The following PAM variants were observed in gnomAD, a reference collection of about 807,000 sequenced individuals.
PAM encodes peptidylglycine alpha-amidating monooxygenase.
A neutral mutation model predicts 122.1 loss-of-function variants in PAM; 72 were observed. The ratio of observed to expected loss-of-function variants is 0.59; its 90% CI spans 0.49 to 0.72. The LOEUF is 0.72. Among genes scored for constraint, PAM ranks in the 30% least tolerant of loss-of-function variants. The pLI is 0.00. For missense variants in PAM, 1,106 were observed against 1,183.7 expected (o/e 0.93, Z 0.96); for synonymous variants, 389 against 404.4 (o/e 0.96, Z 0.46).
At chr5:102,933,560 C>T (rs1363957742) in intron 7 of PAM, among the ~76,000 whole-genome samples, 7 of 152,180 alleles carry the variant, frequency 4.6e-5, no homozygotes, top group Non-Finnish European at 4.4e-5. Context: ...CACAAATACA[C>T]ATGTATCCAT....
chr5:102,828,108 G>A (rs994431934), intron 1 of PAM, among the ~76,000 whole-genome samples: 15 of 152,122 alleles, frequency 9.9e-5, no homozygotes, highest in Admixed American at 9.8e-4. Flanking sequence ...GGAGGCCGAG[G>A]CCAGCAGATT....
intron 3 of PAM, among the ~76,000 whole-genome samples, chr5:102,877,290 C>G (rs1789532362): frequency 6.6e-6 from 1 of 152,120 alleles, no homozygotes; most frequent in South Asian, 2.1e-4. Context: ...GAAATGTTAG[C>G]AAGTAGCTAA....
At chr5:102,775,596 T>G (rs258141) in intron 1 of PAM, among the ~76,000 whole-genome samples, 73,157 of 151,968 alleles carry the variant, frequency 0.48, 18,140 homozygotes, top group African/African-American at 0.59. Context: ...GTGGTGTTTG[T>G]TTTTCTGTTC....
chr5:102,755,623 C>A (rs1198185444), intron 1 of PAM, among the ~76,000 whole-genome samples: 1 of 152,098 alleles, frequency 6.6e-6, no homozygotes. Context: ...AAGTCCCTGG[C>A]CAGTTTGTGA....
At chr5:102,812,923 T>C (rs1231807876) in intron 1 of PAM, among the ~76,000 whole-genome samples, 2 of 152,236 alleles carry the variant, frequency 1.3e-5, no homozygotes, top group East Asian at 1.9e-4. Context: ...CAATAGTATA[T>C]ACTAATGCAA....
At chr5:102,914,403 C>A (rs1440585873) in intron 5 of PAM, among the ~76,000 whole-genome samples, 1 of 151,968 alleles carries the variant, frequency 6.6e-6, no homozygotes, top group Non-Finnish European at 1.5e-5. Context: ...CACAATATAC[C>A]ATGTAACATG....
At chr5:102,907,780 G>A (rs1340382707) in intron 4 of PAM, among the ~76,000 whole-genome samples, 2 of 152,090 alleles carry the variant, frequency 1.3e-5, no homozygotes, top group Non-Finnish European at 1.5e-5. Flanking sequence ...CTTTTGAGAA[G>A]TGTCTGTTCA....
intron 1 of PAM, among the ~76,000 whole-genome samples, chr5:102,788,512 T>C (rs1168326982): frequency 6.6e-6 from 1 of 152,166 alleles, no homozygotes; most frequent in African/African-American, 2.4e-5. Flanking sequence ...ATGGTTGCTT[T>C]GTATCTCTAG....
intron 1 of PAM, among the ~76,000 whole-genome samples, chr5:102,776,136 CCTT>C (rs1389031121): frequency 6.6e-6 from 1 of 151,978 alleles, no homozygotes; most frequent in East Asian, 1.9e-4. Context: ...ACATAAATCT[CCTT>C]TTCAGAAGTG....
At chr5:102,973,658 A>G (rs1242328123) in intron 14 of PAM, among the ~76,000 whole-genome samples, 2 of 152,176 alleles carry the variant, frequency 1.3e-5, no homozygotes, top group South Asian at 2.1e-4. Flanking sequence ...CAGGAAATGT[A>G]TATTTCCTGC....
chr5:102,755,499 G>A (rs1168122642), intron 1 of PAM, 151 bp downstream of exon 1: 1 of 145,368 alleles, frequency 6.9e-6, no homozygotes, highest in African/African-American at 2.5e-5. Flanking sequence ...GGCTGCCCGG[G>A]TCGGGGGTGG....
chr5:102,990,319 C>G lies in PAM; in HGVS notation c.1531C>G (p.Pro511Ala). The G allele has an allele frequency of 6.2e-7, 1 of 1,607,786 alleles. No homozygotes were observed. The highest frequency in any genetic ancestry group is 8.5e-7 in the Non-Finnish European group (1 of 1,175,676). ...ALDWPGVYLL[P>A]GQVSGVALDP... is the part of the protein sequence containing the mutation. ...GGATTGGCCTGGAGTATACTTGTTA[C>G]CAGGCCAGGTTTCTGGGGTGGCTCT... Residue 511 changes from proline (P) to alanine (A), a missense_variant, in exon 16 of 26, where the codon CCA becomes GCA. Coordinates refer to ENST00000438793, the MANE Select transcript of PAM (RefSeq NM_001177306.2).
chr5:102,866,855 C>A (rs945160987), intron 2 of PAM: 4 of 154,112 alleles, frequency 2.6e-5, no homozygotes, highest in African/African-American at 7.2e-5. Flanking sequence ...GAAATTTTTA[C>A]TGGGTCATGG....
intron 7 of PAM, among the ~76,000 whole-genome samples, chr5:102,928,214 C>T (rs1750267205): frequency 6.6e-6 from 1 of 152,166 alleles, no homozygotes; most frequent in African/African-American, 2.4e-5. Context: ...AATCTAATTC[C>T]CCTCAGCGTT....
At chr5:102,900,684 A>G (rs766379656) in intron 3 of PAM, among the ~76,000 whole-genome samples, 4 of 151,634 alleles carry the variant, frequency 2.6e-5, no homozygotes, top group Non-Finnish European at 4.4e-5. Flanking sequence ...TTTATTGTGT[A>G]TGGATTTCCA....
At chr5:102,809,652 C>A (rs958876066) in intron 1 of PAM, among the ~76,000 whole-genome samples, 5 of 152,196 alleles carry the variant, frequency 3.3e-5, no homozygotes, top group Non-Finnish European at 2.9e-5. Flanking sequence ...TTTAAATATA[C>A]CCTTCTGTCT....
chr5:103,019,028 C>T (rs929119320), intron 22 of PAM, among the ~76,000 whole-genome samples: 1 of 152,142 alleles, frequency 6.6e-6, no homozygotes, highest in Non-Finnish European at 1.5e-5. Flanking sequence ...CTGCCACTCA[C>T]CTCCTGCTGT....
rs376594316 is a variant in PAM at position 102,974,098 on chromosome 5, C to A, written c.1163-18C>A. 5 of 1,595,282 alleles carry A rather than the reference C, an allele frequency of 3.1e-6. No homozygotes were observed. The African/African-American group carries it at 6.7e-5, about 21-fold the overall frequency. ...TTATCTACCCTCCACGCCCTTATCTCTTCTCTTTTTTCCACAGGTGATTTC... is the reference window on the plus strand; with the variant it reads ...TTATCTACCCTCCACGCCCTTATCTATTCTCTTTTTTCCACAGGTGATTTC... On this transcript the variant is annotated intron_variant, in intron 14 of 25. Transcript: ENST00000438793.
chr5:102,907,672 T>C (rs1799996494), intron 4 of PAM, among the ~76,000 whole-genome samples: 1 of 151,854 alleles, frequency 6.6e-6, no homozygotes, highest in African/African-American at 2.4e-5. Context: ...TTCTAACTGG[T>C]GTGAGATAGT....
Sources: allele counts gnomAD v4.1 joint callset (sites outside exome capture counted in the v4.1 genomes callset), GRCh38; gene constraint gnomAD v4.1.1; transcripts MANE v1.5; gene names NCBI Gene and HGNC (gene_info 2026-07-23, HGNC 2026-07-21).